The following MED27 variants were observed in gnomAD, a reference collection of about 807,000 sequenced individuals.
The protein encoded by MED27 is mediator of RNA polymerase II transcription subunit 27.
A neutral mutation model predicts 38.2 loss-of-function variants in MED27; 30 were observed. The ratio of observed to expected loss-of-function variants is 0.79; its 90% confidence interval spans 0.59 to 1.07. MED27 has a LOEUF of 1.07. Among genes scored for constraint, MED27 ranks in the 50% least tolerant of loss-of-function variants. The pLI is 0.00. For missense variants in MED27, 289 were observed against 397.5 expected, an observed-to-expected ratio of 0.73 and a Z score of 2.32; for synonymous variants, 122 against 153.5, an observed-to-expected ratio of 0.79 and a Z score of 1.52.
At chr9:131,884,442 C>T (rs1839102469) in intron 5 of MED27, among the ~76,000 whole-genome samples, 1 of 152,082 alleles carries the variant, frequency 6.6e-6, no homozygotes, top group Non-Finnish European at 1.5e-5. Context: ...TGCCTCAGGC[C>T]CTTTGCACTT....
chr9:132,066,789 C>T (rs967397309), intron 2 of MED27, among the ~76,000 whole-genome samples: 2 of 152,174 alleles, frequency 1.3e-5, no homozygotes, highest in Admixed American at 6.5e-5. Context: ...CCTGAGCCAG[C>T]GCAGAGGATC....
chr9:132,048,951 G>T (rs915670152), intron 2 of MED27, among the ~76,000 whole-genome samples: 2 of 152,232 alleles, frequency 1.3e-5, no homozygotes, highest in African/African-American at 4.8e-5. Context: ...CCTGTTAAAA[G>T]CAAATAGCAC....
chr9:132,067,735 G>A (rs1349187280), intron 2 of MED27, among the ~76,000 whole-genome samples: 2 of 152,098 alleles, frequency 1.3e-5, no homozygotes, highest in Non-Finnish European at 2.9e-5. Flanking sequence ...GTTTTGAGAC[G>A]GAGTCTTGCT....
chr9:132,040,937 G>A (rs1397723278), intron 2 of MED27, among the ~76,000 whole-genome samples: 4 of 152,294 alleles, frequency 2.6e-5, no homozygotes, highest in East Asian at 3.9e-4. Context: ...AGCTGCACTC[G>A]CAGCCAGGAC....
chr9:131,911,349 T>C (rs912079277), intron 4 of MED27, among the ~76,000 whole-genome samples: 3 of 152,246 alleles, frequency 2.0e-5, no homozygotes, highest in Non-Finnish European at 2.9e-5. Flanking sequence ...CTGAAGTTAA[T>C]GAGGTCAAGG....
At chr9:131,945,795 T>TAA (rs56741813) in intron 3 of MED27, among the ~76,000 whole-genome samples, 9 of 119,008 alleles carry the variant, frequency 7.6e-5, no homozygotes, top group South Asian at 2.7e-4. Flanking sequence ...TCCTGTCTCT[T>TAA]AAAAAAAAAA....
intron 3 of MED27, among the ~76,000 whole-genome samples, chr9:131,998,034 C>T (rs1303709381): frequency 6.6e-6 from 1 of 152,158 alleles, no homozygotes; most frequent in African/African-American, 2.4e-5. Flanking sequence ...GCACTGCTAA[C>T]AGGGCAGAGT....
chr9:131,941,594 G>C (rs1830786661), intron 3 of MED27, among the ~76,000 whole-genome samples: 1 of 151,978 alleles, frequency 6.6e-6, no homozygotes. Context: ...AGAGATGAGT[G>C]AGAAGGCGTG....
intron 5 of MED27, among the ~76,000 whole-genome samples, chr9:131,891,892 A>G (rs1487788729): frequency 2.0e-5 from 3 of 152,162 alleles, no homozygotes; most frequent in Non-Finnish European, 4.4e-5. Context: ...GAGTTACTTA[A>G]GAGGGAGAAC....
chr9:132,066,311 G>A (rs946140399), intron 2 of MED27, among the ~76,000 whole-genome samples: 1 of 152,262 alleles, frequency 6.6e-6, no homozygotes, highest in Non-Finnish European at 1.5e-5. Flanking sequence ...GAGGCATGGC[G>A]AGCAGCAGGG....
chr9:132,002,152 C>T (rs570209657), intron 3 of MED27, among the ~76,000 whole-genome samples: 3 of 152,312 alleles, frequency 2.0e-5, no homozygotes, highest in East Asian at 3.9e-4. Context: ...AGGCCCTGAG[C>T]TCAGAGCGTA....
chr9:132,018,479 A>T (rs1293596651), intron 2 of MED27, among the ~76,000 whole-genome samples: 1 of 152,192 alleles, frequency 6.6e-6, no homozygotes, highest in Non-Finnish European at 1.5e-5. Flanking sequence ...CACTTGCATG[A>T]TGTCTTCTGC....
intron 2 of MED27, among the ~76,000 whole-genome samples, chr9:132,059,167 C>A (rs981708723): frequency 6.6e-6 from 1 of 152,168 alleles, no homozygotes. Context: ...GACAGCTCTC[C>A]GCAACTGAGA....
intron 2 of MED27, among the ~76,000 whole-genome samples, chr9:132,045,523 T>C (rs1162666882): frequency 1.3e-5 from 2 of 152,024 alleles, no homozygotes; most frequent in African/African-American, 4.8e-5. Flanking sequence ...ACAGTGGTTA[T>C]ATTTGAGTGG....
At chr9:131,943,596 C>A (rs1382376658) in intron 3 of MED27, among the ~76,000 whole-genome samples, 1 of 152,144 alleles carries the variant, frequency 6.6e-6, no homozygotes, top group Non-Finnish European at 1.5e-5. Flanking sequence ...TTAATTTTTA[C>A]CTTTGGAATA....
chr9:131,871,064 G>A (rs959833741), intron 6 of MED27, among the ~76,000 whole-genome samples: 2 of 152,228 alleles, frequency 1.3e-5, no homozygotes, highest in African/African-American at 4.8e-5. Flanking sequence ...TGGTCCTACT[G>A]TGGACCCCAG....
At chr9:131,874,238 C>G (rs1838888113) in intron 6 of MED27, among the ~76,000 whole-genome samples, 1 of 152,200 alleles carries the variant, frequency 6.6e-6, no homozygotes, top group African/African-American at 2.4e-5. Flanking sequence ...CTTCTCACCC[C>G]TCAGGACTCA....
intron 3 of MED27, among the ~76,000 whole-genome samples, chr9:131,974,154 G>T (rs1831552708): frequency 1.3e-5 from 2 of 152,222 alleles, no homozygotes; most frequent in African/African-American, 4.8e-5. Context: ...CATCTTACAG[G>T]TGGTGACATC....
chr9:131,978,694 A>G (rs981842470), intron 3 of MED27, among the ~76,000 whole-genome samples: 1 of 152,078 alleles, frequency 6.6e-6, no homozygotes, highest in Non-Finnish European at 1.5e-5. Context: ...AACAAAAAAA[A>G]CTCTTAAGAA....
Sources: allele counts gnomAD v4.1 joint callset (sites outside exome capture counted in the v4.1 genomes callset), GRCh38; gene constraint gnomAD v4.1.1; transcripts MANE v1.5; gene names NCBI Gene and HGNC (gene_info 2026-07-23, HGNC 2026-07-21).